Variants in IMPA2 observed in about 807,000 individuals in gnomAD.
IMPA2 encodes the protein inositol monophosphatase 2.
A neutral mutation model predicts 35.1 loss-of-function variants in IMPA2; 32 were observed. That is an observed-to-expected ratio of 0.91 (90% CI 0.69 to 1.23). The LOEUF is 1.23. Among genes scored for constraint, IMPA2 ranks in the 50% most tolerant of loss-of-function variants. IMPA2 has a pLI of 0.00. For synonymous variants in IMPA2, 135 were observed against 160.6 expected (o/e 0.84, Z 1.20); for missense variants, 334 against 387.6 (o/e 0.86, Z 1.16).
intron 2 of IMPA2, among the ~76,000 whole-genome samples, chr18:12,001,309 A>G (rs1018148642): frequency 6.6e-6 from 1 of 152,176 alleles, no homozygotes; most frequent in African/African-American, 2.4e-5. Flanking sequence ...GAGAGGAAGC[A>G]TGCTGCAGTA....
At chr18:12,017,831 A>C in intron 5 of IMPA2, 1 of 339,444 alleles carries the variant, frequency 2.9e-6, no homozygotes, top group Non-Finnish European at 5.7e-6. Flanking sequence ...ACCTCAAGTG[A>C]GCCTTTTGCC....
At chr18:12,022,914 A>C in intron 5 of IMPA2, among the ~76,000 whole-genome samples, 1 of 146,362 alleles carries the variant, frequency 6.8e-6, no homozygotes, top group Non-Finnish European at 1.5e-5. Flanking sequence ...AGCTGGGATT[A>C]CAAATGTGTG....
intron 1 of IMPA2, chr18:11,994,100 T>C (rs1038320903): frequency 1.3e-5 from 2 of 152,134 alleles, no homozygotes; most frequent in African/African-American, 4.8e-5. Context: ...GAAGGCTAGG[T>C]GTAGTGGCTC....
At position 12,010,593 on chromosome 18, in the gene IMPA2, C is replaced by T. The variant is rs1044279295; in HGVS notation, c.335+606C>T. Among the ~76,000 whole-genome samples, 1 of 152,164 alleles carries T rather than the reference C, an allele frequency of 6.6e-6. No individual in the cohort carries two copies. The highest frequency in any genetic ancestry group is 6.5e-5 in the Admixed American group (1 of 15,276). Reference sequence around the variant, plus strand: ...GATGGTGCTGCGCTGCCTGTCTACACGCACAGGTGGCTGGGGGCCTGGGGC... The same window carrying T: ...GATGGTGCTGCGCTGCCTGTCTACATGCACAGGTGGCTGGGGGCCTGGGGC... On this transcript the variant is annotated intron_variant, in intron 3 of 7. Transcript: ENST00000269159. The surrounding 1 kb of genome is among the most constrained non-coding windows in gnomAD (Gnocchi z 4.8).
chr18:12,004,015 G>A (rs1027054841), intron 2 of IMPA2, among the ~76,000 whole-genome samples: 2 of 152,334 alleles, frequency 1.3e-5, no homozygotes, highest in South Asian at 2.1e-4. Context: ...GAGCCCCCAT[G>A]TAACCTGCTG....
chr18:12,026,754 C>T (rs974330877), intron 5 of IMPA2, among the ~76,000 whole-genome samples: 6 of 152,146 alleles, frequency 3.9e-5, no homozygotes, highest in African/African-American at 1.4e-4. Flanking sequence ...CTGGAACAGC[C>T]GCCTTTTGTC....
At chr18:12,018,822 TTTATTA>T (rs1210300944) in intron 5 of IMPA2, among the ~76,000 whole-genome samples, 2 of 152,016 alleles carry the variant, frequency 1.3e-5, no homozygotes, top group Non-Finnish European at 2.9e-5. Context: ...TTTGGTGTCT[TTTATTA>T]TTATTATTAT....
At chr18:11,993,693 G>A (rs1246831598) in intron 1 of IMPA2, among the ~76,000 whole-genome samples, 2 of 152,246 alleles carry the variant, frequency 1.3e-5, no homozygotes, top group East Asian at 1.9e-4. Flanking sequence ...CCACACGGGC[G>A]ACCTCCTGGA....
chr18:12,012,688 T>A lies in IMPA2; in HGVS notation c.381+473T>A, dbSNP rs111574886. On this transcript the variant is annotated intron_variant, in intron 4 of 7. Coordinates refer to ENST00000269159, the MANE Select transcript of IMPA2 (RefSeq NM_014214.3). ...CCCATAGACCTTCTGAACTACACAG[T>A]GTTGTGCGACCTGCATGGAAGGCGT... 2.5e-3 allele frequency among the ~76,000 whole-genome samples: 377 copies of A among 152,306 alleles called. 3 individuals are homozygous for A. The highest frequency in any genetic ancestry group is 8.5e-3 in the African/African-American group (353 of 41,570).
chr18:12,003,928 G>C (rs1037196067), intron 2 of IMPA2, among the ~76,000 whole-genome samples: 1 of 152,248 alleles, frequency 6.6e-6, no homozygotes, highest in Non-Finnish European at 1.5e-5. Context: ...GAGCTTCTCT[G>C]GGTTGGCCTA....
In IMPA2 at chr18:12,029,070, C is replaced by T. The variant is rs1907967607; in HGVS notation, c.751+77C>T. On this transcript the variant is annotated intron_variant, in intron 7 of 7. Coordinates refer to ENST00000269159, the MANE Select transcript of IMPA2 (RefSeq NM_014214.3). ...CTGTGGGTGGGGCACTTCCTGAAGT[C>T]CCCACCAACTGAATTTCCCACCTTC... 3.1e-6 allele frequency: 4 copies of T among 1,282,044 alleles called. No homozygotes were observed. In the East Asian group the frequency reaches 7.8e-5, roughly 25 times the overall value. 79.4% of individuals were successfully genotyped at this position (1,282,044 alleles called of 1,614,324 possible).
chr18:12,028,354 G>T, intron 6 of IMPA2: 2 of 563,234 alleles, frequency 3.6e-6, no homozygotes, highest in South Asian at 2.4e-5. Context: ...AGATGCGTGG[G>T]CACCTGTGTT....
In IMPA2 at chr18:12,002,552, T is replaced by C. The variant is rs115260729; in HGVS notation, c.230+3365T>C. Among the ~76,000 whole-genome samples, 1,095 of 152,154 alleles carry C rather than the reference T, an allele frequency of 7.2e-3. 17 individuals carry two copies. Among genetic ancestry groups the C allele is most frequent in the African/African-American group, 0.025 (1,029 of 41,516 alleles). On this transcript the variant is annotated intron_variant, in intron 2 of 7. Coordinates refer to ENST00000269159, the MANE Select transcript of IMPA2 (RefSeq NM_014214.3). ...ACTTCAGGAGCCCAAGGTCAGAGGA[T>C]TGCTTGAGCCCAGGAGTTTGAGACC...
chr18:11,989,925 C>G (rs980484917), intron 1 of IMPA2, among the ~76,000 whole-genome samples: 1 of 152,124 alleles, frequency 6.6e-6, no homozygotes, highest in African/African-American at 2.4e-5. Flanking sequence ...GCCCCCTCCT[C>G]GAGCTTTAGG....
chr18:11,985,748 C>T (rs1201042465), intron 1 of IMPA2, among the ~76,000 whole-genome samples: 1 of 152,126 alleles, frequency 6.6e-6, no homozygotes, highest in African/African-American at 2.4e-5. Flanking sequence ...GGGGAGTATG[C>T]CTGGAAGCCC....
intron 1 of IMPA2, among the ~76,000 whole-genome samples, chr18:11,985,302 T>G (rs973106354): frequency 3.3e-5 from 5 of 152,218 alleles, no homozygotes; most frequent in Non-Finnish European, 7.3e-5. Flanking sequence ...AACAATTCTT[T>G]CACTGCTTCT....
intron 1 of IMPA2, among the ~76,000 whole-genome samples, chr18:11,984,530 G>A (rs530302742): frequency 2.4e-4 from 36 of 152,328 alleles, no homozygotes; most frequent in African/African-American, 8.4e-4. Flanking sequence ...GACAATTTAG[G>A]GGGCCCTCTT....
chr18:12,029,511 TTC>T (rs1907987331), intron 7 of IMPA2, among the ~76,000 whole-genome samples: 1 of 151,898 alleles, frequency 6.6e-6, no homozygotes, highest in African/African-American at 2.4e-5. Context: ...AACCTCCGCC[TTC>T]CAGGTTCAAG....
intron 2 of IMPA2, among the ~76,000 whole-genome samples, chr18:12,007,628 C>CTTCCTTCTTTCTTTCT (rs1907296725): frequency 8.6e-6 from 1 of 116,674 alleles, no homozygotes; most frequent in Non-Finnish European, 1.7e-5. Flanking sequence ...CTTTTTCTTT[C>CTTCCTTCTTTCTTTCT]TTCTTTCTTT....
Sources: gnomAD v4.1 joint callset for allele counts (sites outside exome capture counted in the v4.1 genomes callset) on GRCh38, gnomAD v4.1.1 for gene constraint, Gnocchi (gnomAD v3.1) non-coding constraint, MANE v1.5 for transcripts, NCBI Gene and HGNC (gene_info 2026-07-23, HGNC 2026-07-21) for gene names.